MYT1L: variants seen among roughly 807,000 people sequenced by gnomAD.
MYT1L encodes the protein myelin transcription factor 1 like, also known as myelin transcription factor 1-like protein.
MYT1L carries 12 observed loss-of-function variants against 126.7 expected under a neutral mutation model. The observed-to-expected ratio is 0.09, with a 90% confidence interval of 0.06 to 0.15. The LOEUF (loss-of-function observed/expected upper bound fraction) is 0.15, where lower values mean the gene tolerates loss of function less well. MYT1L is among the 10% of genes least tolerant of loss of function. The pLI, the probability that MYT1L is intolerant of heterozygous loss-of-function variation, is 1.00. For missense variants in MYT1L, 979 were observed against 1,585.2 expected, an observed-to-expected ratio of 0.62 and a Z score of 6.49; for synonymous variants, 541 against 604.2, an observed-to-expected ratio of 0.90 and a Z score of 1.53.
chr2:1,935,930 T>G, intron 9 of MYT1L, among the ~76,000 whole-genome samples: 1 of 152,216 alleles, frequency 6.6e-6, no homozygotes, highest in South Asian at 2.1e-4. Flanking sequence ...CTTTTTTTTG[T>G]TTTTCAAGAT....
rs1373466238 is a variant in MYT1L, at chr2:1,887,965, C to A, written c.2521-356G>T. Among the ~76,000 whole-genome samples the A allele has an allele frequency of 6.6e-6, 1 of 152,194 alleles. No homozygotes were observed. The highest frequency in any genetic ancestry group is 1.9e-4 in the East Asian group (1 of 5,188). ...ACCTGTGGGTGGCTGCTTTATCCAA[C>A]ACTTGCCTGCAAAGATTCAACACTG... On this transcript the variant is annotated intron_variant, in intron 16 of 24. Coordinates refer to ENST00000647738, the MANE Select transcript of MYT1L (RefSeq NM_001303052.2). The surrounding 1 kb of genome is among the most constrained non-coding windows in gnomAD (Gnocchi z 4.8).
chr2:2,167,259 T>C (rs2089300510), intron 3 of MYT1L, among the ~76,000 whole-genome samples: 1 of 152,212 alleles, frequency 6.6e-6, no homozygotes, highest in African/African-American at 2.4e-5. Context: ...AATTTGTATA[T>C]GTTTTCAAAG....
intron 3 of MYT1L, among the ~76,000 whole-genome samples, chr2:2,147,027 A>G (rs1282824222): frequency 6.6e-6 from 1 of 152,146 alleles, no homozygotes; most frequent in Non-Finnish European, 1.5e-5. Context: ...CAGCAACAAG[A>G]CTCAGTGACA....
intron 16 of MYT1L, among the ~76,000 whole-genome samples, chr2:1,888,315 T>C (rs1282513793): frequency 6.6e-6 from 1 of 152,170 alleles, no homozygotes; most frequent in Non-Finnish European, 1.5e-5. Context: ...TAGTAATGAT[T>C]CAACACTGCG....
intron 2 of MYT1L, among the ~76,000 whole-genome samples, chr2:2,248,838 T>C (rs538814369): frequency 1.2e-4 from 19 of 152,042 alleles, no homozygotes; most frequent in African/African-American, 4.6e-4. Flanking sequence ...TATGATAAAA[T>C]CCCTCAAAAA....
chr2:1,945,476 G>C (rs909541288), intron 8 of MYT1L, among the ~76,000 whole-genome samples: 22 of 152,262 alleles, frequency 1.4e-4, no homozygotes, highest in African/African-American at 5.3e-4. Context: ...CCCTGGGTGA[G>C]AAGGTGCTGG....
intron 2 of MYT1L, among the ~76,000 whole-genome samples, chr2:2,226,742 T>C (rs2094020685): frequency 6.6e-6 from 1 of 152,156 alleles, no homozygotes; most frequent in Non-Finnish European, 1.5e-5. Context: ...ACACTCAGTG[T>C]TCCTCAGCTG....
In MYT1L at chr2:1,892,273, T is replaced by C; in HGVS notation, c.2047A>G (p.Lys683Glu). The C allele has an allele frequency of 6.5e-7, 1 of 1,548,764 alleles. No individual in the cohort carries two copies. Among genetic ancestry groups the C allele is most frequent in the Non-Finnish European group, 8.7e-7 (1 of 1,146,256 alleles). The part of the protein sequence containing the change: ...KGYDDAKRYC[K>E]DPSPSSSSTS... ...CTGCTGCTGCTGGGGCTGGGGTCCT[T>C]GCAGTACCGCTTCGCTGGGGAGACA... The change falls in exon 15 of 25, where the codon AAG becomes GAG. Residue 683 changes from lysine (K) to glutamate (E), a missense_variant. Around this residue, in one of 12 missense-constraint regions of MYT1L, gnomAD observed 57 missense variants for 60.3 expected, o/e 0.94. Coordinates refer to ENST00000647738, the MANE Select transcript of MYT1L (RefSeq NM_001303052.2).
chr2:1,984,914 G>A (rs1226484758), intron 5 of MYT1L, among the ~76,000 whole-genome samples: 1 of 152,140 alleles, frequency 6.6e-6, no homozygotes, highest in Non-Finnish European at 1.5e-5. Context: ...GGCCATAACT[G>A]TGAACCCAGG....
chr2:1,986,861 G>A (rs1301510535), intron 5 of MYT1L, among the ~76,000 whole-genome samples: 1 of 152,184 alleles, frequency 6.6e-6, no homozygotes, highest in Non-Finnish European at 1.5e-5. Flanking sequence ...TCTTTCAGAT[G>A]TAATGGTTGC....
chr2:1,884,078 T>C (rs2047896545), intron 18 of MYT1L: 1 of 152,222 alleles, frequency 6.6e-6, no homozygotes, highest in Admixed American at 6.5e-5. Flanking sequence ...GTTTTGTCCA[T>C]GATCAAGAAT....
chr2:2,166,793 C>T (rs2089201013), intron 3 of MYT1L, among the ~76,000 whole-genome samples: 1 of 152,194 alleles, frequency 6.6e-6, no homozygotes, highest in African/African-American at 2.4e-5. Flanking sequence ...GTAACCCCCA[C>T]ATAAAAACAT....
At position 2,236,287 on chromosome 2, in the gene MYT1L, C is replaced by T. The variant is rs35712443; in HGVS notation, c.-421+48117G>A. Among the ~76,000 whole-genome samples the T allele has an allele frequency of 6.4e-4, 75 of 116,916 alleles. 1 individual carries two copies. In the East Asian group the frequency reaches 0.01, roughly 16 times the overall value. The allele number at this position is 116,916 out of a possible 152,430, so 76.7% of individuals were successfully genotyped here. ...CCCAGTACATCCCAACCCAGCCCAG[C>T]ATATCCCAACCCAGCCCAGTACATC... On this transcript the variant is annotated intron_variant, in intron 2 of 24. Transcript: ENST00000647738.
rs1434734904 is a variant in MYT1L, at chr2:1,929,058, T to C, written c.506-5795A>G. ...CGCATGTTTATGTGGAGCCCCTGGC[T>C]ACTCCCCTGGCCAGGACCAGGCGGA... On this transcript the variant is annotated intron_variant, in intron 9 of 24. Coordinates refer to ENST00000647738, the MANE Select transcript of MYT1L (RefSeq NM_001303052.2). The surrounding 1 kb of genome is among the most constrained non-coding windows in gnomAD (Gnocchi z 4.7). Among the ~76,000 whole-genome samples the C allele has an allele frequency of 2.0e-5, 3 of 152,072 alleles. No individual in the cohort carries two copies. The highest frequency in any genetic ancestry group is 7.2e-5 in the African/African-American group (3 of 41,396).
chr2:1,805,817 C>T (rs1048363672), intron 22 of MYT1L, among the ~76,000 whole-genome samples: 5 of 152,252 alleles, frequency 3.3e-5, no homozygotes, highest in Non-Finnish European at 5.9e-5. Flanking sequence ...CCCTGGGAGG[C>T]GGAGGTTGCA....
chr2:2,000,564 T>C (rs2062265956), intron 4 of MYT1L, among the ~76,000 whole-genome samples: 2 of 152,150 alleles, frequency 1.3e-5, no homozygotes, highest in South Asian at 4.1e-4. Context: ...GTGTGGTGTG[T>C]AGGGGCTATG....
At chr2:2,269,862 T>C (rs369516286) in intron 2 of MYT1L, among the ~76,000 whole-genome samples, 1 of 152,234 alleles carries the variant, frequency 6.6e-6, no homozygotes, top group South Asian at 2.1e-4. Flanking sequence ...GCCAGAATTA[T>C]GTCTTGCTAT....
chr2:2,150,355 T>TTGAGA (rs2085554821), intron 3 of MYT1L, among the ~76,000 whole-genome samples: 1 of 152,192 alleles, frequency 6.6e-6, no homozygotes, highest in African/African-American at 2.4e-5. Flanking sequence ...TTGAGATAGT[T>TTGAGA]TAAAACTAAA....
chr2:2,161,886 G>A (rs1159940113), intron 3 of MYT1L, among the ~76,000 whole-genome samples: 3 of 152,302 alleles, frequency 2.0e-5, no homozygotes, highest in Middle Eastern at 3.4e-3. Flanking sequence ...GCTCCAAGGA[G>A]AATGAAAAGC....
Sources: allele counts gnomAD v4.1 joint callset (sites outside exome capture counted in the v4.1 genomes callset), GRCh38; gene constraint gnomAD v4.1.1; regional missense constraint gnomAD v4.1.1; non-coding constraint Gnocchi (gnomAD v3.1); transcripts MANE v1.5; gene names NCBI Gene and HGNC (gene_info 2026-07-23, HGNC 2026-07-21).